Variants in ZPBP observed in about 807,000 individuals in gnomAD.
The protein encoded by ZPBP is zona pellucida binding protein.
A neutral mutation model predicts 44.8 loss-of-function variants in ZPBP; 26 were observed. That is an observed-to-expected ratio of 0.58 (90% CI 0.43 to 0.81). ZPBP has a LOEUF of 0.81. ZPBP is among the 30% of genes least tolerant of loss of function. The probability of loss-of-function intolerance (pLI) is 0.00; values close to 1 mark genes in which losing one functional copy is unlikely to be tolerated. For missense variants in ZPBP, 409 were observed against 434.0 expected, an observed-to-expected ratio of 0.94 and a Z score of 0.51; for synonymous variants, 174 against 153.2, an observed-to-expected ratio of 1.14 and a Z score of -1.00.
intron 1 of ZPBP, chr7:49,914,190 C>T (rs1793603018): frequency 6.6e-6 from 1 of 152,236 alleles, no homozygotes; most frequent in African/African-American, 2.4e-5. Flanking sequence ...AACCTCTTCT[C>T]TCTCCATCAG....
At chr7:49,911,978 ATATATAT>A (rs1793477578) in intron 1 of ZPBP, 1 of 1,355,422 alleles carries the variant, frequency 7.4e-7, no homozygotes, top group African/African-American at 1.5e-5. Flanking sequence ...ATACCTAATT[ATATATAT>A]TATATATTTA....
At chr7:50,092,682 A>G (rs1167083431) in intron 1 of ZPBP, among the ~76,000 whole-genome samples, 2 of 152,252 alleles carry the variant, frequency 1.3e-5, no homozygotes, top group African/African-American at 2.4e-5. Flanking sequence ...GCGCTCCACC[A>G]TCACGGATAA....
chr7:50,036,261 C>A (rs1212930558), intron 4 of ZPBP, among the ~76,000 whole-genome samples: 2 of 152,318 alleles, frequency 1.3e-5, no homozygotes, highest in African/African-American at 4.8e-5. Context: ...TCAAGCAATT[C>A]TCCTGCCTAA....
At chr7:49,961,169 T>C (rs996406891) in intron 7 of ZPBP, among the ~76,000 whole-genome samples, 3 of 152,184 alleles carry the variant, frequency 2.0e-5, no homozygotes, top group Non-Finnish European at 4.4e-5. Context: ...GGAATATTTA[T>C]AGAAGCTTTA....
chr7:49,987,420 T>A (rs1797341368), intron 6 of ZPBP, among the ~76,000 whole-genome samples: 1 of 152,160 alleles, frequency 6.6e-6, no homozygotes, highest in South Asian at 2.1e-4. Context: ...CAAGATGATT[T>A]CTCATGGCCT....
At chr7:50,081,943 C>A (rs1167189250) in intron 2 of ZPBP, 44 bp from the exon 3 acceptor site, 1 of 1,596,828 alleles carries the variant, frequency 6.3e-7, no homozygotes, top group East Asian at 2.3e-5. Flanking sequence ...ATTTTATCTT[C>A]TTTTCTTTCT....
chr7:49,844,451 G>C, the ZPBP span, among the ~76,000 whole-genome samples: 1 of 152,050 alleles, frequency 6.6e-6, no homozygotes, highest in Non-Finnish European at 1.5e-5. Flanking sequence ...CTAAAATATT[G>C]TCCTATAAAT....
chr7:50,081,022 C>T (rs1223182285), intron 3 of ZPBP, among the ~76,000 whole-genome samples: 1 of 151,676 alleles, frequency 6.6e-6, no homozygotes, highest in African/African-American at 2.4e-5. Context: ...ATAAATACCA[C>T]AGAAACATAC....
intron 6 of ZPBP, among the ~76,000 whole-genome samples, chr7:49,991,731 G>T (rs753564442): frequency 8.6e-5 from 13 of 151,946 alleles, no homozygotes; most frequent in Admixed American, 2.0e-4. Context: ...ACTGAAAAAA[G>T]CAGATGAGAC....
intron 7 of ZPBP, among the ~76,000 whole-genome samples, chr7:49,961,917 C>T (rs1327355139): frequency 1.3e-5 from 2 of 151,818 alleles, no homozygotes; most frequent in East Asian, 1.9e-4. Context: ...GTACACTTGC[C>T]CCCGATATCA....
intron 4 of ZPBP, among the ~76,000 whole-genome samples, chr7:50,052,591 C>A (rs1486572724): frequency 6.6e-6 from 1 of 152,086 alleles, no homozygotes; most frequent in Non-Finnish European, 1.5e-5. Context: ...CAACCAACTG[C>A]ATTTTAGGTA....
chr7:50,056,168 CA>C (rs1055375267), intron 4 of ZPBP: 11 of 152,246 alleles, frequency 7.2e-5, no homozygotes, highest in African/African-American at 2.6e-4. Context: ...ATGTTCTAAA[CA>C]ACACAAATTT....
chr7:50,025,299 T>C (rs774515480), intron 5 of ZPBP, among the ~76,000 whole-genome samples: 12 of 151,818 alleles, frequency 7.9e-5, no homozygotes, highest in Non-Finnish European at 1.5e-4. Flanking sequence ...CTAAAATTTA[T>C]GTGAAAAGGC....
chr7:49,842,428 G>A, the ZPBP span, among the ~76,000 whole-genome samples: 7 of 152,080 alleles, frequency 4.6e-5, no homozygotes, highest in Non-Finnish European at 8.8e-5. Flanking sequence ...ATAGTTTACT[G>A]AAGTCAGTAT....
At position 50,093,074 on chromosome 7, in the gene ZPBP, A is replaced by C. The variant is rs749738098; in HGVS notation, c.121T>G (p.Ser41Ala). The part of the protein sequence containing the change: ...FISAFLVRVP[S>A]SVGHLVRLPR... ...GGGCGGCGCGGACCCTCACCTGATG[A>C]GGGCACCCGCACCAGGAAGGCGGAG... Residue 41 changes from serine to alanine, a missense_variant, in exon 1 of 8, where the codon TCA becomes GCA. By Grantham distance (99) the Ser-to-Ala change is moderately conservative. Around this residue, in one of 2 missense-constraint regions of ZPBP, gnomAD observed 367 missense variants for 363.1 expected, o/e 1.01. Transcript: ENST00000046087. 1.2e-6 allele frequency: 2 copies of C among 1,600,926 alleles called. No homozygotes were observed. The highest frequency in any genetic ancestry group is 1.7e-6 in the Non-Finnish European group (2 of 1,174,202).
At chr7:49,982,575 C>T (rs1797076876) in intron 7 of ZPBP, among the ~76,000 whole-genome samples, 1 of 150,998 alleles carries the variant, frequency 6.6e-6, no homozygotes, top group African/African-American at 2.4e-5. Flanking sequence ...AAGACCCTCA[C>T]TGAATGCTCA....
chr7:49,848,730 C>T (rs1261952038), downstream of ZPBP, among the ~76,000 whole-genome samples: 1 of 152,188 alleles, frequency 6.6e-6, no homozygotes, highest in African/African-American at 2.4e-5. Context: ...TTGTATGAAT[C>T]ATTTCTCTCA....
intron 2 of ZPBP, among the ~76,000 whole-genome samples, chr7:49,897,606 C>A (rs1792454070): frequency 6.6e-6 from 1 of 152,180 alleles, no homozygotes; most frequent in Non-Finnish European, 1.5e-5. Context: ...CTTCTTGGAT[C>A]CCTCAGAGGT....
At position 50,027,553 on chromosome 7, in the gene ZPBP, C is replaced by T. The variant is rs546125328; in HGVS notation, c.706+3539G>A. Reference sequence around the variant, plus strand: ...TCAAATCAATTACTTAACGTCACACCTTAAGAAACTAGAAAAAGAAGAATG... The same window carrying T: ...TCAAATCAATTACTTAACGTCACACTTTAAGAAACTAGAAAAAGAAGAATG... On this transcript the variant is annotated intron_variant, in intron 5 of 7. Coordinates refer to ENST00000046087, the MANE Select transcript of ZPBP (RefSeq NM_007009.3). Among the ~76,000 whole-genome samples the T allele has an allele frequency of 4.6e-5, 7 of 151,584 alleles. No homozygotes were observed. The East Asian group carries it at 1.4e-3, about 29-fold the overall frequency.
Sources: gnomAD v4.1 joint callset for allele counts (sites outside exome capture counted in the v4.1 genomes callset) on GRCh38, gnomAD v4.1.1 for gene constraint, gnomAD v4.1.1 regional missense constraint, MANE v1.5 for transcripts, NCBI Gene and HGNC (gene_info 2026-07-23, HGNC 2026-07-21) for gene names.